ALDH4A1: variants seen among roughly 807,000 people sequenced by gnomAD.
ALDH4A1 encodes the protein delta-1-pyrroline-5-carboxylate dehydrogenase, mitochondrial.
ALDH4A1 carries 46 observed loss-of-function variants against 70.5 expected under a neutral mutation model. The ratio of observed to expected loss-of-function variants is 0.65; its 90% CI spans 0.51 to 0.83. The LOEUF (loss-of-function observed/expected upper bound fraction) is 0.83, where lower values mean the gene tolerates loss of function less well. Ranked by LOEUF, ALDH4A1 falls within the 40% of genes least tolerant of loss-of-function variation. The pLI, the probability that ALDH4A1 is intolerant of heterozygous loss-of-function variation, is 0.00. For missense variants in ALDH4A1, 749 were observed against 766.5 expected, an observed-to-expected ratio of 0.98 and a Z score of 0.27; for synonymous variants, 323 against 324.3, an observed-to-expected ratio of 1.00 and a Z score of 0.04.
intron 1 of ALDH4A1, chr1:18,891,011 T>C: frequency 2.5e-6 from 1 of 399,304 alleles, no homozygotes; most frequent in Non-Finnish European, 3.4e-6. Context: ...AGGTGCCTGA[T>C]TCCAGGACAC....
intron 8 of ALDH4A1, 30 bp downstream of exon 8, chr1:18,881,670 C>T (rs1190218649): frequency 1.2e-6 from 2 of 1,613,366 alleles, no homozygotes; most frequent in African/African-American, 2.7e-5. Flanking sequence ...CCCCTAGCCA[C>T]CACAGCCTAC....
At chr1:18,878,675 C>G (rs1057063249) in intron 9 of ALDH4A1, among the ~76,000 whole-genome samples, 1 of 152,188 alleles carries the variant, frequency 6.6e-6, no homozygotes, top group Non-Finnish European at 1.5e-5. Context: ...ACATGGCAGA[C>G]CTTGTCCTTG....
intron 10 of ALDH4A1, 64 bp downstream of exon 10, chr1:18,877,352 C>A (rs1269152608): frequency 1.9e-6 from 3 of 1,553,526 alleles, no homozygotes; most frequent in Non-Finnish European, 2.6e-6. Flanking sequence ...GCAGAGGAGC[C>A]TCCCAGGGAC....
chr1:18,888,374 G>C (rs1171268926), intron 3 of ALDH4A1, among the ~76,000 whole-genome samples: 1 of 152,220 alleles, frequency 6.6e-6, no homozygotes, highest in African/African-American at 2.4e-5. Context: ...GGCAAACATA[G>C]ATCCTGCCCT....
At chr1:18,876,661 C>CTATGTGTGTGTGTGTG (rs1553153209) in intron 11 of ALDH4A1, among the ~76,000 whole-genome samples, 194 bp from the exon 12 acceptor site, 73 of 146,828 alleles carry the variant, frequency 5.0e-4, no homozygotes, top group Non-Finnish European at 2.1e-4. Flanking sequence ...GACATGAACA[C>CTATGTGTGTGTGTGTG]TGTGTGTGTG....
At chr1:18,897,216 CA>C in intron 1 of ALDH4A1, 2 of 424,122 alleles carry the variant, frequency 4.7e-6, no homozygotes, top group South Asian at 3.5e-5. Flanking sequence ...ACTTGTTCGG[CA>C]AATTCTCCAA....
intron 14 of ALDH4A1, 30 bp downstream of exon 14, chr1:18,874,433 G>A (rs754573654): frequency 3.8e-6 from 6 of 1,595,316 alleles, no homozygotes; most frequent in Non-Finnish European, 5.2e-6. Context: ...CAGGAACTCA[G>A]CTCCCCTGTG....
chr1:18,883,490 C>T, intron 5 of ALDH4A1, 62 bp from the exon 6 acceptor site: 1 of 1,606,868 alleles, frequency 6.2e-7, no homozygotes, highest in Non-Finnish European at 8.5e-7. Context: ...CCTCTTCTCA[C>T]ATCTGACGCT....
At chr1:18,879,396 G>T in intron 8 of ALDH4A1, 23 bp from the exon 9 acceptor site, 1 of 1,602,896 alleles carries the variant, frequency 6.2e-7, no homozygotes, top group South Asian at 1.1e-5. Context: ...GAGAAAGGGT[G>T]GGGTTCAGGG....
chr1:18,893,067 A>G (rs1935498717), intron 1 of ALDH4A1, among the ~76,000 whole-genome samples: 1 of 152,226 alleles, frequency 6.6e-6, no homozygotes, highest in African/African-American at 2.4e-5. Context: ...TGAGCCAGAT[A>G]TCACCATCAA....
rs1212781668 is a variant in ALDH4A1, at chr1:18,902,508, G to A, written c.16C>T (p.Pro6Ser). ...GACAGCAGGGCGCGGCGGAGCGCGG[G>A]CGCCGGCAGCAGCATCTCGGGTTAG... MLLPA[P>S]ALRRALLSRP... The change falls in exon 1 of 15, where the codon CCC becomes TCC. Residue 6 changes from proline (P) to serine (S), a missense_variant. By Grantham distance (74) the Pro-to-Ser change is moderately conservative (BLOSUM62 -1). Transcript: ENST00000375341. The A allele has an allele frequency of 2.0e-6, 3 of 1,480,426 alleles. No homozygotes were observed. Among genetic ancestry groups the A allele is most frequent in the Admixed American group, 4.3e-5 (2 of 46,178 alleles). 91.7% of individuals were successfully genotyped at this position (1,480,426 alleles called of 1,614,324 possible).
chr1:18,880,161 C>A lies in ALDH4A1; in HGVS notation c.867-788G>T, dbSNP rs1025032043. On this transcript the variant is annotated intron_variant, in intron 8 of 14. Transcript: ENST00000375341. The surrounding 1 kb of genome is among the most constrained non-coding windows in gnomAD (Gnocchi z 5.1). ...CAGCAGTTCTAACGCTGCCACCACC[C>A]ACTCCCACCCCCAGCAAAGCTGCGG... Among the ~76,000 whole-genome samples the A allele has an allele frequency of 2.6e-5, 4 of 152,132 alleles. No individual in the cohort carries two copies. Among genetic ancestry groups the A allele is most frequent in the African/African-American group, 9.7e-5 (4 of 41,426 alleles).
At chr1:18,884,935 C>T (rs1016829956) in intron 5 of ALDH4A1, among the ~76,000 whole-genome samples, 24 of 152,150 alleles carry the variant, frequency 1.6e-4, no homozygotes, top group African/African-American at 5.6e-4. Context: ...GCCGGGGAGT[C>T]CTGCTAAGTG....
At chr1:18,896,548 C>A (rs899341712) in intron 1 of ALDH4A1, among the ~76,000 whole-genome samples, 1 of 152,308 alleles carries the variant, frequency 6.6e-6, no homozygotes, top group African/African-American at 2.4e-5. Context: ...GACATAAAGG[C>A]AACACTAGGT....
chr1:18,877,362 C>T (rs1934746538), intron 10 of ALDH4A1, 54 bp downstream of exon 10: 3 of 1,553,514 alleles, frequency 1.9e-6, no homozygotes, highest in African/African-American at 2.7e-5. Context: ...CTCCCAGGGA[C>T]CCAATCCCAT....
Position 18,885,456 on chromosome 1 carries a change from G to GCCCC in ALDH4A1, c.453+16_453+17insGGGG. On this transcript the variant is annotated intron_variant, in intron 5 of 14. Transcript: ENST00000375341. ...ACCCCACCCCGCCCCACCCACCCGG[G>GCCCC]CCCACCAGCACCTCACCTGTCCCAC... 2 of 541,838 alleles carry GCCCC rather than the reference G, an allele frequency of 3.7e-6. No individual in the cohort carries two copies. The highest frequency in any genetic ancestry group is 6.2e-6 in the Non-Finnish European group (2 of 323,996). The allele number at this position is 541,838 out of a possible 1,614,324, so 33.6% of individuals were successfully genotyped here.
At chr1:18,882,213 G>A (rs531799639) in intron 7 of ALDH4A1, among the ~76,000 whole-genome samples, 15 of 152,310 alleles carry the variant, frequency 9.8e-5, no homozygotes, top group African/African-American at 3.4e-4. Context: ...CGGGCGCGGC[G>A]GGGCAAGTAC....
chr1:18,881,890 G>T lies in ALDH4A1; in HGVS notation c.679-3C>A. The stretch of plus-strand genomic sequence containing the variant: ...GGCTTCCATAGGACCACGTTGCCCT[G>T]CCCGGGAGGTGTTTCAGTGATGCAT... On this transcript the variant is annotated splice_polypyrimidine_tract_variant and splice_region_variant and intron_variant, in intron 7 of 14. Coordinates refer to ENST00000375341, the MANE Select transcript of ALDH4A1 (RefSeq NM_003748.4). 1 of 1,612,796 alleles carries T rather than the reference G, an allele frequency of 6.2e-7. No homozygotes were observed.
At chr1:18,878,576 C>T (rs570447898) in intron 9 of ALDH4A1, among the ~76,000 whole-genome samples, 10 of 152,164 alleles carry the variant, frequency 6.6e-5, no homozygotes, top group Non-Finnish European at 1.5e-4. Context: ...GGCCTCAGCA[C>T]ATTCCCAAAA....
Sources: gnomAD v4.1 joint callset for allele counts (sites outside exome capture counted in the v4.1 genomes callset) on GRCh38, gnomAD v4.1.1 for gene constraint, Gnocchi (gnomAD v3.1) non-coding constraint, MANE v1.5 for transcripts, NCBI Gene and HGNC (gene_info 2026-07-23, HGNC 2026-07-21) for gene names.